UQCC1: variants seen among roughly 807,000 people sequenced by gnomAD.
UQCC1 encodes bFGF-repressed Zic-binding protein.
In UQCC1, 38 loss-of-function variants were observed where a neutral mutation model predicts 48.0. The observed-to-expected ratio is 0.79, with a 90% CI of 0.61 to 1.04. The LOEUF (loss-of-function observed/expected upper bound fraction) is 1.04, where lower values mean the gene tolerates loss of function less well. Among genes scored for constraint, UQCC1 ranks in the 50% least tolerant of loss-of-function variants. The pLI is 0.00. For missense variants in UQCC1, 368 were observed against 381.8 expected, an observed-to-expected ratio of 0.96 and a Z score of 0.30; for synonymous variants, 111 against 129.2, an observed-to-expected ratio of 0.86 and a Z score of 0.95.
At chr20:35,373,951 C>G (rs1484511750) in intron 5 of UQCC1, among the ~76,000 whole-genome samples, 1 of 152,162 alleles carries the variant, frequency 6.6e-6, no homozygotes, top group Non-Finnish European at 1.5e-5. Context: ...GGTGGTAGGA[C>G]TGCTTGAGCC....
intron 1 of UQCC1, among the ~76,000 whole-genome samples, chr20:35,408,060 T>C (rs2062278909): frequency 6.6e-6 from 1 of 151,980 alleles, no homozygotes; most frequent in Non-Finnish European, 1.5e-5. Context: ...CCAATATCAC[T>C]AGTCACTAGA....
intron 5 of UQCC1, among the ~76,000 whole-genome samples, chr20:35,371,715 A>C (rs1229037516): frequency 2.6e-5 from 4 of 151,108 alleles, no homozygotes; most frequent in South Asian, 2.1e-4. Context: ...AAAAAAAAAA[A>C]AAAAAACAGG....
intron 7 of UQCC1, chr20:35,346,341 G>T (rs2061431544): frequency 6.6e-6 from 1 of 152,624 alleles, no homozygotes; most frequent in Non-Finnish European, 1.5e-5. Context: ...CACTCTTTGG[G>T]TCCGCACCAC....
At chr20:35,320,848 T>C (rs1305127935) in intron 7 of UQCC1, among the ~76,000 whole-genome samples, 1 of 152,314 alleles carries the variant, frequency 6.6e-6, no homozygotes, top group East Asian at 1.9e-4. Flanking sequence ...AATGAATGAA[T>C]GACAAAGGAC....
At chr20:35,393,108 G>GA (rs981790787) in intron 2 of UQCC1, among the ~76,000 whole-genome samples, 4 of 151,898 alleles carry the variant, frequency 2.6e-5, no homozygotes, top group Admixed American at 6.6e-5. Context: ...AGGTAATAAT[G>GA]AAAAACTACT....
At chr20:35,367,308 G>A (rs953781043) in intron 5 of UQCC1, among the ~76,000 whole-genome samples, 1 of 151,960 alleles carries the variant, frequency 6.6e-6, no homozygotes, top group Admixed American at 6.6e-5. Context: ...TTCCCTCCAT[G>A]GGCTTGAATT....
chr20:35,316,128 A>G (rs2061056109), intron 7 of UQCC1, among the ~76,000 whole-genome samples: 1 of 152,242 alleles, frequency 6.6e-6, no homozygotes. Context: ...AGTGCAATGT[A>G]TAGCACAGAG....
chr20:35,411,654 C>A (rs571600222), intron 1 of UQCC1, among the ~76,000 whole-genome samples: 1 of 152,270 alleles, frequency 6.6e-6, no homozygotes, highest in African/African-American at 2.4e-5. Flanking sequence ...ACATGCTCCT[C>A]TCCCTGAGGG....
At position 35,303,918 on chromosome 20, in the gene UQCC1, G is replaced by T. The variant is rs1454015766; in HGVS notation, c.*17C>A. 1.2e-6 allele frequency: 2 copies of T among 1,614,030 alleles called. No individual in the cohort carries two copies. The highest frequency in any genetic ancestry group is 8.5e-7 in the Non-Finnish European group (1 of 1,179,992). On this transcript the variant is annotated 3_prime_UTR_variant, in exon 10 of 10. Transcript: ENST00000374385. ...TCCTCGAAGCCAGCTGGCGGGCCGT[G>T]CGGAGGGCCCAGCCCATCAAAGTCC...
chr20:35,337,427 T>A (rs912586735), intron 7 of UQCC1, among the ~76,000 whole-genome samples: 1 of 152,114 alleles, frequency 6.6e-6, no homozygotes, highest in Non-Finnish European at 1.5e-5. Context: ...GACCTCATGA[T>A]CCACTCGCCT....
rs115819292 is a variant in UQCC1 at position 35,395,258 on chromosome 20, C to T, written c.25-1062G>A. Among the ~76,000 whole-genome samples, 1,163 of 152,172 alleles carry T rather than the reference C, an allele frequency of 7.6e-3. 14 individuals are homozygous for T. The highest frequency in any genetic ancestry group is 0.027 in the African/African-American group (1,113 of 41,524). ...AGTGGGAGAAGCTACAAGTTCCAAC[C>T]TTCTACACACATATTTGTTCCTCTA... On this transcript the variant is annotated intron_variant, in intron 1 of 9. Coordinates refer to ENST00000374385, the MANE Select transcript of UQCC1 (RefSeq NM_018244.5).
rs143758044 is a variant in UQCC1 at position 35,373,452 on chromosome 20, G to A, written c.406+732C>T. On this transcript the variant is annotated intron_variant, in intron 5 of 9. Coordinates refer to ENST00000374385, the MANE Select transcript of UQCC1 (RefSeq NM_018244.5). The stretch of plus-strand genomic sequence containing the variant: ...CCAGCATTTTGGGAGGCCAAGGAGG[G>A]CGGATCACGTGAGGTCAGGAGTTTG... 6.6e-3 allele frequency among the ~76,000 whole-genome samples: 1,008 copies of A among 152,296 alleles called. 14 individuals carry two copies. Among genetic ancestry groups the A allele is most frequent in the African/African-American group, 0.023 (963 of 41,564 alleles).
intron 4 of UQCC1, among the ~76,000 whole-genome samples, chr20:35,381,451 T>G (rs992075967): frequency 6.6e-6 from 1 of 152,162 alleles, no homozygotes; most frequent in African/African-American, 2.4e-5. Flanking sequence ...TTCTAAGGAA[T>G]CAGGTGGAGG....
chr20:35,393,979 T>C (rs1324824584), intron 2 of UQCC1, 113 bp downstream of exon 2: 1 of 889,636 alleles, frequency 1.1e-6, no homozygotes. Flanking sequence ...AGACCCAGAG[T>C]GGTCTCATGA....
chr20:35,364,372 G>A (rs573481276), intron 6 of UQCC1, among the ~76,000 whole-genome samples: 1 of 152,266 alleles, frequency 6.6e-6, no homozygotes, highest in South Asian at 2.1e-4. Context: ...ATAGGCAATC[G>A]TGCTTTATGT....
At chr20:35,349,164 T>G (rs1051308248) in intron 6 of UQCC1, among the ~76,000 whole-genome samples, 1 of 152,222 alleles carries the variant, frequency 6.6e-6, no homozygotes, top group African/African-American at 2.4e-5. Context: ...TCTCAACATC[T>G]TTGTTAATAA....
chr20:35,402,306 C>T (rs1445275380), intron 1 of UQCC1, among the ~76,000 whole-genome samples: 9 of 151,862 alleles, frequency 5.9e-5, no homozygotes, highest in African/African-American at 9.7e-5. Context: ...AGGCCGGGCG[C>T]GGTGGCTTAC....
chr20:35,320,872 G>A (rs769387829), intron 7 of UQCC1, among the ~76,000 whole-genome samples: 1 of 152,224 alleles, frequency 6.6e-6, no homozygotes, highest in Non-Finnish European at 1.5e-5. Flanking sequence ...TAGAGTTGCT[G>A]GCTGAAGCCT....
intron 7 of UQCC1, among the ~76,000 whole-genome samples, chr20:35,318,007 C>T (rs945217749): frequency 3.5e-4 from 53 of 152,292 alleles, no homozygotes; most frequent in African/African-American, 1.2e-3. Context: ...CAACTCAGAC[C>T]TCCTGATACC....
Sources: gnomAD v4.1 joint callset for allele counts (sites outside exome capture counted in the v4.1 genomes callset) on GRCh38, gnomAD v4.1.1 for gene constraint, MANE v1.5 for transcripts, NCBI Gene and HGNC (gene_info 2026-07-23, HGNC 2026-07-21) for gene names.